Variants in FAM178B observed in about 807,000 individuals in gnomAD.
FAM178B encodes the protein protein FAM178B.
FAM178B carries 82 observed loss-of-function variants against 91.7 expected under a neutral mutation model. That is an observed-to-expected ratio of 0.89 (90% CI 0.75 to 1.07). The LOEUF is 1.07. FAM178B is among the 50% of genes least tolerant of loss of function. The pLI is 0.00. For synonymous variants in FAM178B, 368 were observed against 359.4 expected (o/e 1.02, Z -0.27); for missense variants, 769 against 846.7 (o/e 0.91, Z 1.14).
intron 8 of FAM178B, among the ~76,000 whole-genome samples, chr2:96,931,852 G>GT (rs1290304797): frequency 2.0e-5 from 3 of 149,640 alleles, no homozygotes; most frequent in Non-Finnish European, 3.0e-5. Context: ...TTTCTTGTTT[G>GT]TTTGTTTTTT....
intron 13 of FAM178B, 118 bp downstream of exon 13, chr2:96,902,502 A>G (rs1204916109): frequency 7.2e-6 from 5 of 698,124 alleles, no homozygotes; most frequent in Non-Finnish European, 1.3e-5. Flanking sequence ...ATGAAAGAAC[A>G]TGAGTAGAGA....
chr2:96,920,116 A>G (rs2081308932), intron 12 of FAM178B, among the ~76,000 whole-genome samples: 1 of 152,120 alleles, frequency 6.6e-6, no homozygotes, highest in Non-Finnish European at 1.5e-5. Flanking sequence ...AGGCCCAGAA[A>G]GAGAAGGGAA....
At chr2:96,939,657 C>T (rs569473178) in intron 8 of FAM178B, among the ~76,000 whole-genome samples, 1 of 152,250 alleles carries the variant, frequency 6.6e-6, no homozygotes, top group African/African-American at 2.4e-5. Context: ...GAGGTCGCAG[C>T]ACAGAGAGTC....
chr2:96,959,335 T>C (rs2153374609), intron 6 of FAM178B, among the ~76,000 whole-genome samples: 1 of 152,218 alleles, frequency 6.6e-6, no homozygotes, highest in East Asian at 1.9e-4. Flanking sequence ...GGACGTTATA[T>C]GGTTCTCTAT....
At chr2:96,977,194 C>CAAAA (rs70964891) in intron 1 of FAM178B, among the ~76,000 whole-genome samples, 66 of 38,474 alleles carry the variant, frequency 1.7e-3, no homozygotes, top group Non-Finnish European at 1.9e-3. Context: ...GACTCTGTCT[C>CAAAA]AAAAAAAAAA....
intron 14 of FAM178B, among the ~76,000 whole-genome samples, chr2:96,883,619 G>A (rs1007812873): frequency 2.0e-4 from 30 of 152,336 alleles, no homozygotes; most frequent in Non-Finnish European, 4.0e-4. Context: ...CTGTGTGTGT[G>A]TTGGGGGGAG....
At position 96,970,783 on chromosome 2, in the gene FAM178B, G is replaced by C. The variant is rs1457059699; in HGVS notation, c.565-6C>G. The C allele has an allele frequency of 6.5e-7, 1 of 1,549,166 alleles. No individual in the cohort carries two copies. The highest frequency in any genetic ancestry group is 2.0e-5 in the Admixed American group (1 of 50,978). The stretch of plus-strand genomic sequence containing the variant: ...CCTGAGCCCCCCCAGGAAAACTGGA[G>C]AAACAGGACATGGGAATGAGGACGA... On this transcript the variant is annotated splice_region_variant and splice_polypyrimidine_tract_variant and intron_variant, in intron 3 of 16. Transcript: ENST00000490605.
intron 1 of FAM178B, among the ~76,000 whole-genome samples, chr2:96,980,687 G>A (rs1574329721): frequency 6.6e-6 from 1 of 152,180 alleles, no homozygotes; most frequent in Non-Finnish European, 1.5e-5. Context: ...ACAGGCATGA[G>A]CAACCGAGCC....
At position 96,886,880 on chromosome 2, in the gene FAM178B, C is replaced by T. The variant is rs1034836788; in HGVS notation, c.1776+7046G>A. Among the ~76,000 whole-genome samples, 17 of 152,284 alleles carry T rather than the reference C, an allele frequency of 1.1e-4. No homozygotes were observed. The South Asian group carries it at 1.2e-3, about 11-fold the overall frequency. ...GAGTAGCTAGGACCATAGGCGTATGCCACCGTGTCGTGTTAACACCAAACC... is the reference window on the plus strand; with the variant it reads ...GAGTAGCTAGGACCATAGGCGTATGTCACCGTGTCGTGTTAACACCAAACC... On this transcript the variant is annotated intron_variant, in intron 14 of 16. Transcript: ENST00000490605.
chr2:96,982,959 A>G lies in FAM178B; in HGVS notation c.73+3282T>C, dbSNP rs372375784. Among the ~76,000 whole-genome samples the G allele has an allele frequency of 1.8e-4, 27 of 151,038 alleles. No individual in the cohort carries two copies. The East Asian group carries it at 3.7e-3, about 21-fold the overall frequency. ...ACTGTCATCATCATAGCTTCCTGCC[A>G]CCTTCAGCTCTTGAGCCGAAGCAAT... On this transcript the variant is annotated intron_variant, in intron 1 of 16. Transcript: ENST00000490605.
At chr2:96,882,324 C>T (rs536822262) in intron 14 of FAM178B, among the ~76,000 whole-genome samples, 2 of 152,354 alleles carry the variant, frequency 1.3e-5, no homozygotes, top group African/African-American at 2.4e-5. Flanking sequence ...ACACCCGATT[C>T]GCCCAGCTCA....
chr2:96,908,678 T>A, intron 12 of FAM178B, among the ~76,000 whole-genome samples: 1 of 152,138 alleles, frequency 6.6e-6, no homozygotes, highest in East Asian at 1.9e-4. Context: ...CATGGTCAGG[T>A]GGTACATGGA....
chr2:96,984,630 C>A (rs1404730672), intron 1 of FAM178B, among the ~76,000 whole-genome samples: 2 of 152,356 alleles, frequency 1.3e-5, no homozygotes, highest in South Asian at 4.1e-4. Flanking sequence ...AAGGTGCTAT[C>A]TACCAGTGAT....
At chr2:96,954,308 A>T (rs1036429075) in intron 6 of FAM178B, among the ~76,000 whole-genome samples, 1 of 152,250 alleles carries the variant, frequency 6.6e-6, no homozygotes, top group Non-Finnish European at 1.5e-5. Flanking sequence ...GACAGCAATG[A>T]CAGTGGGCAG....
At chr2:96,883,988 G>A (rs889327530) in intron 14 of FAM178B, among the ~76,000 whole-genome samples, 1 of 152,222 alleles carries the variant, frequency 6.6e-6, no homozygotes, top group African/African-American at 2.4e-5. Flanking sequence ...ACGGACTGAA[G>A]ATCGACTCTA....
intron 8 of FAM178B, among the ~76,000 whole-genome samples, chr2:96,930,210 C>CAAAAAAAAAAA (rs60102987): frequency 2.5e-5 from 1 of 39,484 alleles, no homozygotes; most frequent in East Asian, 7.4e-4. Flanking sequence ...TCCGTCTCTC[C>CAAAAAAAAAAA]AAAAAAAAAA....
At chr2:96,929,140 CAG>C (rs765390941) in intron 9 of FAM178B, 64 bp downstream of exon 9, 4 of 1,146,110 alleles carry the variant, frequency 3.5e-6, no homozygotes, top group Non-Finnish European at 1.3e-6. Flanking sequence ...TTCTGAGTGA[CAG>C]AGAGAGACCC....
At chr2:96,937,754 G>A (rs959140834) in intron 8 of FAM178B, among the ~76,000 whole-genome samples, 4 of 152,188 alleles carry the variant, frequency 2.6e-5, no homozygotes, top group African/African-American at 4.8e-5. Context: ...GGCTGGGCGC[G>A]GGGGCTCACA....
intron 3 of FAM178B, among the ~76,000 whole-genome samples, chr2:96,971,381 C>A (rs1364764454): frequency 1.3e-5 from 2 of 151,556 alleles, no homozygotes; most frequent in African/African-American, 4.9e-5. Flanking sequence ...CAGGCTGTTA[C>A]AAACAGCTGA....
Sources: gnomAD v4.1 joint callset for allele counts (sites outside exome capture counted in the v4.1 genomes callset) on GRCh38, gnomAD v4.1.1 for gene constraint, MANE v1.5 for transcripts, NCBI Gene and HGNC (gene_info 2026-07-23, HGNC 2026-07-21) for gene names.